Variants in PDE5A observed in about 807,000 individuals in gnomAD.
The protein encoded by PDE5A is cGMP-specific 3',5'-cyclic phosphodiesterase.
A neutral mutation model predicts 110.2 loss-of-function variants in PDE5A; 67 were observed. That is an observed-to-expected ratio of 0.61 (90% CI 0.50 to 0.75). The LOEUF is 0.75. PDE5A is among the 30% of genes least tolerant of loss of function. PDE5A has a pLI of 0.00. For missense variants in PDE5A, 862 were observed against 1,045.1 expected, an observed-to-expected ratio of 0.82 and a Z score of 2.42; for synonymous variants, 328 against 351.2, an observed-to-expected ratio of 0.93 and a Z score of 0.74.
In PDE5A at chr4:119,507,658, G is replaced by A. The variant is rs764800707; in HGVS notation, c.2135C>T (p.Thr712Met). Reference sequence around the variant, plus strand: ...AATAGCTTGCTTGATTATTTTCAACGTGGTCTTATATTCTTCAATGGAGAG... The same window carrying A: ...AATAGCTTGCTTGATTATTTTCAACATGGTCTTATATTCTTCAATGGAGAG... ...SGLSIEEYKT[T>M]LKIIKQAILA... Residue 712 changes from threonine (T) to methionine (M), a missense_variant, in exon 16 of 21, where the codon ACG becomes ATG. Physicochemically the swap from Thr to Met is moderately conservative, Grantham distance 81. Transcript: ENST00000354960. 2.3e-5 allele frequency: 37 copies of A among 1,583,898 alleles called. 1 individual carries two copies. The Admixed American group carries it at 4.6e-4, about 20-fold the overall frequency.
chr4:119,615,545 T>G (rs1268385188), intron 1 of PDE5A, among the ~76,000 whole-genome samples: 1 of 149,084 alleles, frequency 6.7e-6, no homozygotes, highest in Admixed American at 6.8e-5. Context: ...ACATGCACCA[T>G]GAACACTCAA....
intron 11 of PDE5A, among the ~76,000 whole-genome samples, chr4:119,529,231 T>C (rs1165422780): frequency 1.3e-5 from 2 of 152,130 alleles, no homozygotes; most frequent in Non-Finnish European, 2.9e-5. Flanking sequence ...GCCTCTTTGT[T>C]TCTTCTCTGC....
chr4:119,523,273 A>C (rs1354193524), intron 12 of PDE5A, among the ~76,000 whole-genome samples: 1 of 152,082 alleles, frequency 6.6e-6, no homozygotes, highest in Non-Finnish European at 1.5e-5. Context: ...GCTTGAGCAG[A>C]ATGAAGAATC....
At chr4:119,567,773 T>C (rs942397008) in intron 3 of PDE5A, among the ~76,000 whole-genome samples, 1 of 152,174 alleles carries the variant, frequency 6.6e-6, no homozygotes, top group African/African-American at 2.4e-5. Context: ...TTATTTCAAA[T>C]AGATCAGAAG....
Position 119,628,745 on chromosome 4 carries a change from A to C in PDE5A, c.-74T>G, listed in dbSNP as rs993854852. Reference sequence around the variant, plus strand: ...CAGCTGGGGTCCGTCCCTCAGAAGAACAGGACTCGGCCTCGAGACCCTCCC... The same window carrying C: ...CAGCTGGGGTCCGTCCCTCAGAAGACCAGGACTCGGCCTCGAGACCCTCCC... On this transcript the variant is annotated 5_prime_UTR_variant, in exon 1 of 21. Coordinates refer to ENST00000354960, the MANE Select transcript of PDE5A (RefSeq NM_001083.4). 7.0e-6 allele frequency: 11 copies of C among 1,577,840 alleles called. No individual in the cohort carries two copies. The highest frequency in any genetic ancestry group is 9.4e-6 in the Non-Finnish European group (11 of 1,167,184).
intron 3 of PDE5A, among the ~76,000 whole-genome samples, chr4:119,587,317 C>G (rs1728797347): frequency 6.6e-6 from 1 of 151,740 alleles, no homozygotes; most frequent in Non-Finnish European, 1.5e-5. Flanking sequence ...ATTCCCCTGC[C>G]TCAGCCTCCT....
intron 11 of PDE5A, among the ~76,000 whole-genome samples, chr4:119,530,259 C>A (rs2110477412): frequency 1.3e-5 from 2 of 152,184 alleles, no homozygotes; most frequent in Admixed American, 1.3e-4. Flanking sequence ...GGGCTCTGGG[C>A]TTTAAATTTT....
Position 119,627,310 on chromosome 4 carries a change from C to G in PDE5A, c.152+1210G>C. ...CCAGCTCCCTCACGGCCCCGGCCTCCGCGCCGCCGCCCGTCGCCTCCCGCT... is the reference window on the plus strand; with the variant it reads ...CCAGCTCCCTCACGGCCCCGGCCTCGGCGCCGCCGCCCGTCGCCTCCCGCT... On this transcript the variant is annotated intron_variant, in intron 1 of 20. Transcript: ENST00000354960. The surrounding 1 kb of genome is among the most constrained non-coding windows in gnomAD (Gnocchi z 4.6). 8.0e-7 allele frequency: 1 copy of G among 1,247,332 alleles called. No homozygotes were observed. Among genetic ancestry groups the G allele is most frequent in the Non-Finnish European group, 1.0e-6 (1 of 981,170 alleles). The allele number at this position is 1,247,332 out of a possible 1,614,324, so 77.3% of individuals were successfully genotyped here.
intron 18 of PDE5A, among the ~76,000 whole-genome samples, chr4:119,502,970 G>A (rs554999847): frequency 1.3e-5 from 2 of 152,176 alleles, no homozygotes; most frequent in South Asian, 4.1e-4. Context: ...TGATTCAGGG[G>A]AGAGAAAGGA....
chr4:119,584,559 A>G (rs1202064705), intron 3 of PDE5A, among the ~76,000 whole-genome samples: 1 of 152,218 alleles, frequency 6.6e-6, no homozygotes. Context: ...ATGGAAGTTA[A>G]TTATCAAAAT....
chr4:119,563,029 A>T, intron 5 of PDE5A, 59 bp from the exon 6 acceptor site: 2 of 1,390,162 alleles, frequency 1.4e-6, no homozygotes, highest in Non-Finnish European at 1.9e-6. Context: ...TTAAAGCACA[A>T]TTATTTATAT....
intron 1 of PDE5A, among the ~76,000 whole-genome samples, chr4:119,621,074 G>A (rs1730125590): frequency 6.6e-6 from 1 of 152,164 alleles, no homozygotes; most frequent in Non-Finnish European, 1.5e-5. Flanking sequence ...AATTAACTGA[G>A]AATGTATTTT....
At chr4:119,522,401 C>A (rs1560600759) in intron 12 of PDE5A, among the ~76,000 whole-genome samples, 1 of 151,840 alleles carries the variant, frequency 6.6e-6, no homozygotes, top group African/African-American at 2.4e-5. Context: ...TACTGAGAGA[C>A]TTTTAAGTAA....
intron 9 of PDE5A, among the ~76,000 whole-genome samples, chr4:119,551,722 C>T (rs1727362902): frequency 6.6e-6 from 1 of 152,184 alleles, no homozygotes; most frequent in Admixed American, 6.5e-5. Context: ...CCCTCTGCCC[C>T]TTCTTTCTGA....
intron 1 of PDE5A, among the ~76,000 whole-genome samples, chr4:119,625,919 A>C (rs1419885108): frequency 6.6e-6 from 1 of 152,096 alleles, no homozygotes; most frequent in South Asian, 2.1e-4. Context: ...TTCATGAAAG[A>C]CCTCTGGCTA....
At chr4:119,536,213 T>G (rs1323155384) in intron 11 of PDE5A, among the ~76,000 whole-genome samples, 2 of 152,198 alleles carry the variant, frequency 1.3e-5, no homozygotes. Context: ...AGAAAATAAT[T>G]TTCAGATTTT....
At chr4:119,509,005 T>C (rs576331891) in intron 15 of PDE5A, among the ~76,000 whole-genome samples, 1 of 152,134 alleles carries the variant, frequency 6.6e-6, no homozygotes, top group Admixed American at 6.6e-5. Flanking sequence ...ATTTTCTTTC[T>C]TTGGAGCTAA....
At chr4:119,507,784 T>G in intron 15 of PDE5A, 80 bp from the exon 16 acceptor site, 3 of 831,212 alleles carry the variant, frequency 3.6e-6, no homozygotes, top group Non-Finnish European at 5.9e-6. Context: ...TATTCACATA[T>G]CTTAAACACA....
At chr4:119,505,812 C>T in intron 17 of PDE5A, 43 bp downstream of exon 17, 1 of 1,113,190 alleles carries the variant, frequency 9.0e-7, no homozygotes, top group Non-Finnish European at 1.3e-6. Flanking sequence ...AGAAAATTAA[C>T]TGGGTAAAAA....
Sources: gnomAD v4.1 joint callset for allele counts (sites outside exome capture counted in the v4.1 genomes callset) on GRCh38, gnomAD v4.1.1 for gene constraint, Gnocchi (gnomAD v3.1) non-coding constraint, MANE v1.5 for transcripts, NCBI Gene and HGNC (gene_info 2026-07-23, HGNC 2026-07-21) for gene names.